The following PTPRA variants were observed in gnomAD, a reference collection of about 807,000 sequenced individuals.
PTPRA encodes protein tyrosine phosphatase receptor type A.
Under a neutral mutation model 104.8 loss-of-function variants are expected in PTPRA, and 25 were observed. The observed-to-expected ratio is 0.24, with a 90% CI of 0.17 to 0.33. The LOEUF (loss-of-function observed/expected upper bound fraction) is 0.33. PTPRA is among the 10% of genes least tolerant of loss of function. PTPRA has a pLI of 1.00. For missense variants in PTPRA, 765 were observed against 1,015.3 expected (o/e 0.75, Z 3.35); for synonymous variants, 323 against 368.9 (o/e 0.88, Z 1.43).
intron 2 of PTPRA, among the ~76,000 whole-genome samples, chr20:2,929,817 C>T (rs2060443975): frequency 1.3e-5 from 2 of 151,926 alleles, no homozygotes; most frequent in South Asian, 4.2e-4. Context: ...AGAACAAGAC[C>T]CTGTCTCAAA....
At chr20:2,936,135 A>G (rs1177810882) in intron 2 of PTPRA, among the ~76,000 whole-genome samples, 4 of 152,052 alleles carry the variant, frequency 2.6e-5, no homozygotes, top group Admixed American at 1.3e-4. Flanking sequence ...CTGACATTAT[A>G]GCCATGAGCC....
At chr20:2,968,203 T>C (rs781681534) in intron 5 of PTPRA, among the ~76,000 whole-genome samples, 3 of 152,226 alleles carry the variant, frequency 2.0e-5, no homozygotes, top group South Asian at 2.1e-4. Flanking sequence ...AAAATATCTT[T>C]AGGGCTGTGC....
upstream of PTPRA, among the ~76,000 whole-genome samples, chr20:2,868,585 A>C (rs1310631350): frequency 1.4e-5 from 2 of 146,932 alleles, no homozygotes; most frequent in East Asian, 2.0e-4. Flanking sequence ...GAGGAAAGGA[A>C]ATAATCCCCA....
intron 9 of PTPRA, among the ~76,000 whole-genome samples, chr20:2,997,863 G>T (rs1280785554): frequency 2.0e-5 from 3 of 152,226 alleles, no homozygotes; most frequent in African/African-American, 7.2e-5. Context: ...GGGTGCAGTT[G>T]TTCATGCCTG....
At chr20:3,005,624 T>C (rs989023369) in intron 10 of PTPRA, among the ~76,000 whole-genome samples, 1 of 152,138 alleles carries the variant, frequency 6.6e-6, no homozygotes, top group Non-Finnish European at 1.5e-5. Flanking sequence ...TTGAAGACTT[T>C]GGGCTGAAAG....
intron 11 of PTPRA, among the ~76,000 whole-genome samples, chr20:3,008,131 A>G (rs566769983): frequency 2.0e-4 from 30 of 152,358 alleles, no homozygotes; most frequent in African/African-American, 7.2e-4. Context: ...CTGACTCCTG[A>G]TGCAAAATGC....
intron 2 of PTPRA, among the ~76,000 whole-genome samples, chr20:2,926,492 C>T (rs2060299891): frequency 6.6e-6 from 1 of 152,116 alleles, no homozygotes; most frequent in African/African-American, 2.4e-5. Context: ...GGATTAGGGA[C>T]CACCCTAATG....
rs943679902 is a variant in PTPRA at position 2,948,919 on chromosome 20, T to G, written c.-7+895T>G. On this transcript the variant is annotated intron_variant, in intron 3 of 23. Transcript: ENST00000399903. ...GTGAGCCGAGATTGCACCACTGCAC[T>G]CCAGCCTGGGTGACAGAGCGAGACT... Among the ~76,000 whole-genome samples the G allele has an allele frequency of 2.0e-5, 3 of 151,794 alleles. 1 individual carries two copies. Among genetic ancestry groups the G allele is most frequent in the Admixed American group, 2.0e-4 (3 of 15,240 alleles).
At position 3,026,622 on chromosome 20, in the gene PTPRA, A is replaced by G. The variant is rs975421310; in HGVS notation, c.1615-65A>G. 2.9e-5 allele frequency: 38 copies of G among 1,297,442 alleles called. No homozygotes were observed. In the South Asian group the frequency reaches 4.5e-4, roughly 15 times the overall value. The allele number at this position is 1,297,442 out of a possible 1,614,324, so 80.4% of individuals were successfully genotyped here. On this transcript the variant is annotated intron_variant, in intron 17 of 23. Coordinates refer to ENST00000399903, the MANE Select transcript of PTPRA (RefSeq NM_001385305.1). ...GGCCTGGAGGTGCAGGCCAAGGGAC[A>G]GGCATAATCTTGTCAAGTTCAGTTA...
At chr20:2,868,694 T>C (rs1442777547), upstream of PTPRA, among the ~76,000 whole-genome samples, 1 of 148,108 alleles carries the variant, frequency 6.8e-6, no homozygotes, top group Non-Finnish European at 1.5e-5. Context: ...TGGTAGCTCT[T>C]TGATGCCTTT....
intron 1 of PTPRA, among the ~76,000 whole-genome samples, chr20:2,885,293 G>A (rs1380208682): frequency 6.6e-6 from 1 of 152,124 alleles, no homozygotes; most frequent in Non-Finnish European, 1.5e-5. Flanking sequence ...AATGACTCAT[G>A]ATCTGACTGT....
intron 3 of PTPRA, among the ~76,000 whole-genome samples, chr20:2,953,613 G>GTT (rs201447901): frequency 7.1e-6 from 1 of 139,956 alleles, no homozygotes; most frequent in Non-Finnish European, 1.6e-5. Context: ...TTGGTGTTTT[G>GTT]TTTTTTTTTT....
chr20:2,930,201 G>A (rs534816756), intron 2 of PTPRA, among the ~76,000 whole-genome samples: 6 of 152,266 alleles, frequency 3.9e-5, no homozygotes, highest in South Asian at 2.1e-4. Context: ...TATGCATTTC[G>A]TTGTATTGTG....
intron 1 of PTPRA, among the ~76,000 whole-genome samples, chr20:2,910,120 A>G (rs2059615811): frequency 8.4e-6 from 1 of 119,346 alleles, no homozygotes; most frequent in Non-Finnish European, 1.6e-5. Flanking sequence ...TATATGATGT[A>G]TAGTATATAT....
chr20:2,896,196 G>A (rs566996389), intron 1 of PTPRA, among the ~76,000 whole-genome samples: 1 of 152,164 alleles, frequency 6.6e-6, no homozygotes, highest in African/African-American at 2.4e-5. Context: ...CCAACATGGT[G>A]AAACCCTGTC....
At chr20:3,018,145 A>G (rs1188115797) in intron 13 of PTPRA, among the ~76,000 whole-genome samples, 1 of 152,256 alleles carries the variant, frequency 6.6e-6, no homozygotes, top group Non-Finnish European at 1.5e-5. Context: ...CCCTGGTTCC[A>G]GAACAGCCTG....
chr20:2,945,036 T>C (rs2061073438), intron 2 of PTPRA, among the ~76,000 whole-genome samples: 1 of 152,190 alleles, frequency 6.6e-6, no homozygotes, highest in East Asian at 1.9e-4. Flanking sequence ...TACCTTCTCT[T>C]TGGTATTTTT....
At chr20:2,990,066 G>A (rs1333314199) in intron 9 of PTPRA, among the ~76,000 whole-genome samples, 2 of 152,166 alleles carry the variant, frequency 1.3e-5, no homozygotes, top group African/African-American at 4.8e-5. Context: ...TAGCCCATGG[G>A]CAGACCAGAA....
Position 2,913,192 on chromosome 20 carries a change from A to G in PTPRA, c.-128-10015A>G, listed in dbSNP as rs1020203881. Among the ~76,000 whole-genome samples, 16 of 152,216 alleles carry G rather than the reference A, an allele frequency of 1.1e-4. 1 individual carries two copies. The highest frequency in any genetic ancestry group is 6.8e-3 in the Middle Eastern group (2 of 292). On this transcript the variant is annotated intron_variant, in intron 1 of 23. Transcript: ENST00000399903. ...GGAGTTTGAGACCAGCTTGGCCAAC[A>G]TGATGAAAACCTGTCTCCACTAAAA... is the stretch of plus-strand genomic sequence containing the variant.
Sources: allele counts gnomAD v4.1 joint callset (sites outside exome capture counted in the v4.1 genomes callset), GRCh38; gene constraint gnomAD v4.1.1; transcripts MANE v1.5; gene names NCBI Gene and HGNC (gene_info 2026-07-23, HGNC 2026-07-21).